TG: variants seen among roughly 807,000 people sequenced by gnomAD.
TG encodes thyroid hormones.
Under a neutral mutation model 324.7 loss-of-function variants are expected in TG, and 270 were observed. The observed-to-expected ratio is 0.83, with a 90% confidence interval of 0.75 to 0.92. TG has a LOEUF of 0.92. Ranked by LOEUF, TG falls within the 40% of genes least tolerant of loss-of-function variation. TG has a pLI of 0.00. For missense variants in TG, 3,591 were observed against 3,456.4 expected (o/e 1.04, Z -0.98); for synonymous variants, 1,401 against 1,327.0 (o/e 1.06, Z -1.21).
intron 25 of TG, among the ~76,000 whole-genome samples, chr8:132,936,491 T>G (rs13251221): frequency 0.4 from 61,455 of 152,204 alleles, 15,200 homozygotes; most frequent in Admixed American, 0.53. Context: ...CCAGTGCTGC[T>G]GGTCCGGGGA....
At chr8:133,063,260 G>A (rs2131353676) in intron 41 of TG, among the ~76,000 whole-genome samples, 1 of 151,630 alleles carries the variant, frequency 6.6e-6, no homozygotes, top group South Asian at 2.1e-4. Context: ...AGATGCCAGG[G>A]TGCCCCCAGC....
At chr8:133,024,899 G>A (rs1043963438) in intron 40 of TG, among the ~76,000 whole-genome samples, 4 of 151,534 alleles carry the variant, frequency 2.6e-5, no homozygotes, top group Admixed American at 6.6e-5. Flanking sequence ...ATCGTAGAAT[G>A]ATTTGGCGAT....
chr8:132,972,308 G>A (rs995546280), intron 33 of TG: 8 of 508,694 alleles, frequency 1.6e-5, no homozygotes, highest in East Asian at 7.2e-5. Flanking sequence ...TACCTTCCTC[G>A]TAAGGTTATG....
Position 133,059,904 on chromosome 8 carries a change from C to T in TG, c.7239+29881C>T, listed in dbSNP as rs531084083. ...CCAAAGATTTGACACCCTTCAGGTG[C>T]GCCGAGCACCCAATTCTTTTCGTCT... On this transcript the variant is annotated intron_variant, in intron 41 of 47. Transcript: ENST00000220616. 3.4e-3 allele frequency among the ~76,000 whole-genome samples: 524 copies of T among 152,334 alleles called. 7 individuals carry two copies. Among genetic ancestry groups the T allele is most frequent in the Non-Finnish European group, 2.5e-3 (173 of 68,024 alleles).
intron 41 of TG, among the ~76,000 whole-genome samples, chr8:133,065,010 G>A (rs1842857947): frequency 1.3e-5 from 2 of 152,152 alleles, no homozygotes; most frequent in African/African-American, 4.8e-5. Context: ...AACATACTTA[G>A]GGATGCTACC....
intron 20 of TG, 108 bp from the exon 21 acceptor site, chr8:132,919,268 A>G: frequency 8.6e-7 from 1 of 1,162,322 alleles, no homozygotes; most frequent in Non-Finnish European, 1.2e-6. Context: ...TGTTAAATGA[A>G]TGAGCTCTTG....
chr8:133,113,597 C>T lies in TG; in HGVS notation c.7748C>T (p.Ala2583Val), dbSNP rs1850444932. ...YASFSRALEN[A>V]TRDYFIICPI... ...TCCTTCTCCCGGGCTCTGGAGAATG[C>T]CACCCGGTAAGCTAAGCTGCAGGAG... is the stretch of plus-strand genomic sequence containing the variant. The change falls in exon 44 of 48, where the codon GCC (alanine) becomes GTC (valine). Residue 2583 changes from alanine to valine, a missense_variant. Ala to Val is a moderately conservative substitution (Grantham distance 64). Coordinates refer to ENST00000220616, the MANE Select transcript of TG (RefSeq NM_003235.5). 2 of 1,613,700 alleles carry T rather than the reference C, an allele frequency of 1.2e-6. No homozygotes were observed. Among genetic ancestry groups the T allele is most frequent in the Non-Finnish European group, 1.7e-6 (2 of 1,179,860 alleles).
At chr8:133,040,671 A>G (rs1838050799) in intron 41 of TG, among the ~76,000 whole-genome samples, 1 of 152,124 alleles carries the variant, frequency 6.6e-6, no homozygotes, top group Non-Finnish European at 1.5e-5. Context: ...CAATGAAAGA[A>G]GGAAGGAAAG....
chr8:132,957,766 C>CACACACACACACACACACACACAG (rs1554680118), intron 27 of TG, among the ~76,000 whole-genome samples: 2,258 of 145,548 alleles, frequency 0.016, 41 homozygotes, highest in East Asian at 0.034. Flanking sequence ...CACACACACA[C>CACACACACACACACACACACACAG]ACACACACAC....
chr8:132,952,850 G>T (rs1334685843), intron 27 of TG, among the ~76,000 whole-genome samples: 1 of 152,174 alleles, frequency 6.6e-6, no homozygotes, highest in African/African-American at 2.4e-5. Context: ...AACAATCTTT[G>T]CATTAGTGCC....
At chr8:132,990,844 G>A (rs940031570) in intron 35 of TG, among the ~76,000 whole-genome samples, 84 of 151,528 alleles carry the variant, frequency 5.5e-4, no homozygotes, top group African/African-American at 1.9e-3. Context: ...GTCTCCCCGC[G>A]AAGATGGTGG....
chr8:133,023,546 G>T (rs920692535), intron 40 of TG, among the ~76,000 whole-genome samples: 1 of 152,132 alleles, frequency 6.6e-6, no homozygotes, highest in East Asian at 1.9e-4. Context: ...AATTATTCAC[G>T]TGTGAGTTTA....
intron 43 of TG, among the ~76,000 whole-genome samples, chr8:133,105,631 T>C (rs111366558): frequency 6.6e-6 from 1 of 151,952 alleles, no homozygotes; most frequent in African/African-American, 2.4e-5. Context: ...TATGAAGGTA[T>C]GAGGTTCAAG....
At chr8:132,946,226 G>A (rs1825272007) in intron 26 of TG, among the ~76,000 whole-genome samples, 2 of 151,772 alleles carry the variant, frequency 1.3e-5, no homozygotes, top group Non-Finnish European at 2.9e-5. Flanking sequence ...AAGCTGGAAA[G>A]GTTGATTTCG....
chr8:132,923,569 T>G, intron 22 of TG, 61 bp downstream of exon 22: 1 of 1,547,600 alleles, frequency 6.5e-7, no homozygotes, highest in Non-Finnish European at 8.8e-7. Context: ...TCTCAAGGGC[T>G]TTTTAGAAAG....
chr8:132,974,205 G>C (rs1289709089), intron 34 of TG, among the ~76,000 whole-genome samples: 1 of 151,850 alleles, frequency 6.6e-6, no homozygotes, highest in East Asian at 1.9e-4. Flanking sequence ...TGTTAGCCAG[G>C]GTGGCCTTGA....
Position 132,908,233 on chromosome 8 carries a change from C to T in TG, c.3895C>T (p.Gln1299Ter). 1.2e-6 allele frequency: 2 copies of T among 1,614,050 alleles called. No homozygotes were observed. Among genetic ancestry groups the T allele is most frequent in the Non-Finnish European group, 1.7e-6 (2 of 1,180,004 alleles). ...CCAGACCCAAGGGCACTTTCAGCTCCAGCTCCCGCCGGGCAAGATGTGCAG... is the reference window on the plus strand; with the variant it reads ...CCAGACCCAAGGGCACTTTCAGCTCTAGCTCCCGCCGGGCAAGATGTGCAG... ...TIQTQGHFQLQLPPGKMCSAD... is the reference protein window; with the variant it reads ...TIQTQGHFQL Residue 1299 changes from glutamine (Q) to a stop codon, truncating the protein, a stop_gained, in exon 18 of 48, where the codon CAG becomes TAG. Coordinates refer to ENST00000220616, the MANE Select transcript of TG (RefSeq NM_003235.5). LOFTEE classifies it high-confidence loss of function.
intron 35 of TG, among the ~76,000 whole-genome samples, chr8:132,991,657 G>T (rs1036218991): frequency 2.0e-5 from 3 of 152,174 alleles, no homozygotes; most frequent in Non-Finnish European, 4.4e-5. Context: ...ATGCCGGTTA[G>T]CACACCCTGT....
intron 20 of TG, among the ~76,000 whole-genome samples, chr8:132,917,819 C>T (rs1464567092): frequency 6.6e-6 from 1 of 151,652 alleles, no homozygotes; most frequent in Admixed American, 6.6e-5. Context: ...CTCTGTGAGA[C>T]TCTCAAACTC....
Sources: gnomAD v4.1 joint callset for allele counts (sites outside exome capture counted in the v4.1 genomes callset) on GRCh38, gnomAD v4.1.1 for gene constraint, MANE v1.5 for transcripts, NCBI Gene and HGNC (gene_info 2026-07-23, HGNC 2026-07-21) for gene names.